The following GRWD1 variants were observed in gnomAD, a reference collection of about 807,000 sequenced individuals.
The protein encoded by GRWD1 is glutamate-rich WD repeat-containing protein 1.
Under a neutral mutation model 45.3 loss-of-function variants are expected in GRWD1, and 29 were observed. That is an observed-to-expected ratio of 0.64 (90% CI 0.48 to 0.87). The LOEUF (loss-of-function observed/expected upper bound fraction) is 0.87. Among genes scored for constraint, GRWD1 ranks in the 40% least tolerant of loss-of-function variants. The probability of loss-of-function intolerance (pLI) is 0.00; values close to 1 mark genes in which losing one functional copy is unlikely to be tolerated. For missense variants in GRWD1, 592 were observed against 618.8 expected (o/e 0.96, Z 0.46); for synonymous variants, 262 against 257.6 (o/e 1.02, Z -0.16).
Position 48,446,750 on chromosome 19 carries a change from A to C in GRWD1, c.375A>C (p.Glu125Asp), listed in dbSNP as rs1569077519. The stretch of plus-strand genomic sequence containing the variant: ...CACCCTCAGAGGGCAGTGATGAAGA[A>C]GAAGAGGAGGAAGATGAAGAGGATG... ...KPPPSEGSDE[E>D]EEEEDEEDEE... is the part of the protein sequence containing the mutation. Residue 125 changes from glutamate to aspartate, a missense_variant, in exon 3 of 7, where the codon GAA (glutamate) becomes GAC (aspartate). Glu to Asp is a conservative substitution (Grantham distance 45, BLOSUM62 2). Coordinates refer to ENST00000253237, the MANE Select transcript of GRWD1 (RefSeq NM_031485.4). The C allele has an allele frequency of 6.2e-7, 1 of 1,613,998 alleles. No homozygotes were observed. Among genetic ancestry groups the C allele is most frequent in the South Asian group, 1.1e-5 (1 of 91,074 alleles).
chr19:48,449,844 C>CA (rs1971450893), intron 3 of GRWD1, among the ~76,000 whole-genome samples: 1 of 152,058 alleles, frequency 6.6e-6, no homozygotes, highest in African/African-American at 2.4e-5. Flanking sequence ...TTTGAACGGT[C>CA]AATGCAGTAA....
At position 48,450,424 on chromosome 19, in the gene GRWD1, G is replaced by A. The variant is rs769181197; in HGVS notation, c.580G>A (p.Ala194Thr). ...GGTGGTGGAGGAGCCCCAGGCCCTGGCAGCCTTCCTCCGGGATGAGCAGGC... is the reference window on the plus strand; with the variant it reads ...GGTGGTGGAGGAGCCCCAGGCCCTGACAGCCTTCCTCCGGGATGAGCAGGC... ...LQVVEEPQALAAFLRDEQAQM... is the reference protein window; with the variant it reads ...LQVVEEPQALTAFLRDEQAQM... The change falls in exon 4 of 7, where the codon GCA becomes ACA. Residue 194 changes from alanine (A) to threonine (T), a missense_variant. By Grantham distance (58) the Ala-to-Thr change is moderately conservative. Coordinates refer to ENST00000253237, the MANE Select transcript of GRWD1 (RefSeq NM_031485.4). This position sits in a 1 kb window ranked among gnomAD's most constrained non-coding sequence, Gnocchi z 5.1. 2 of 1,614,072 alleles carry A rather than the reference G, an allele frequency of 1.2e-6. No homozygotes were observed. The highest frequency in any genetic ancestry group is 2.2e-5 in the South Asian group (2 of 91,076).
chr19:48,450,926 C>A lies in GRWD1; in HGVS notation c.826-108C>A. 1 of 1,501,574 alleles carries A rather than the reference C, an allele frequency of 6.7e-7. No homozygotes were observed. The highest frequency in any genetic ancestry group is 9.1e-7 in the Non-Finnish European group (1 of 1,102,398). 93.0% of individuals were successfully genotyped at this position (1,501,574 alleles called of 1,614,324 possible). A position where few individuals can be genotyped will look rare whatever the true frequency, so the allele number is the denominator to read the frequency against. ...CCTGACGGAGGTTTAGTTTCCAGGC[C>A]AAGTCATAGTAAGGGGAACAGTGAA... On this transcript the variant is annotated intron_variant, in intron 5 of 6. Coordinates refer to ENST00000253237, the MANE Select transcript of GRWD1 (RefSeq NM_031485.4). This position sits in a 1 kb window ranked among gnomAD's most constrained non-coding sequence, Gnocchi z 5.1.
Position 48,456,629 on chromosome 19 carries a change from G to T in GRWD1, c.*3604G>T, listed in dbSNP as rs1971542100. The T allele has an allele frequency of 6.6e-6, 1 of 152,184 alleles. No homozygotes were observed. The highest frequency in any genetic ancestry group is 2.1e-4 in the South Asian group (1 of 4,826). The allele number at this position is 152,184 out of a possible 1,614,324, so 9.4% of individuals were successfully genotyped here. ...CAGGCCCTGCCAAGAAGCCCCTGAG[G>T]ATCCCCAGGTTCCAGCACAAATTAT... On this transcript the variant is annotated 3_prime_UTR_variant, in exon 7 of 7. Transcript: ENST00000253237.
rs971549200 is a variant in GRWD1 at position 48,455,004 on chromosome 19, C to T, written c.*1979C>T. 6.6e-6 allele frequency: 1 copy of T among 151,476 alleles called. No individual in the cohort carries two copies. The highest frequency in any genetic ancestry group is 1.5e-5 in the Non-Finnish European group (1 of 67,988). 9.4% of individuals were successfully genotyped at this position (151,476 alleles called of 1,614,324 possible). A position where few individuals can be genotyped will look rare whatever the true frequency, so the allele number is the denominator to read the frequency against. On this transcript the variant is annotated 3_prime_UTR_variant, in exon 7 of 7. Transcript: ENST00000253237. ...CCGCCTCTATCTTCTCTGTCCCCCTCCATCTAGGTCTCTGTCCCCCCCTCT... is the reference window on the plus strand; with the variant it reads ...CCGCCTCTATCTTCTCTGTCCCCCTTCATCTAGGTCTCTGTCCCCCCCTCT...
rs1971469823 is a variant in GRWD1, at chr19:48,451,044, C to T, written c.836C>T (p.Ser279Phe). Residue 279 changes from serine to phenylalanine, a missense_variant, in exon 6 of 7, where the codon TCC (serine) becomes TTC (phenylalanine). Transcript: ENST00000253237. ...CTCCGCCTCCCCCAGGTGTTTGCCT[C>T]CTGCTCAGCTGACGCCTCCATCCGC... ...WSPTENTVFA[S>F]CSADASIRIW... 4 of 1,613,378 alleles carry T rather than the reference C, an allele frequency of 2.5e-6. No individual in the cohort carries two copies. The highest frequency in any genetic ancestry group is 1.1e-5 in the South Asian group (1 of 91,054).
rs1971396730 is a variant in GRWD1, at chr19:48,446,058, A to C, written c.53A>C (p.Glu18Ala). The change falls in exon 1 of 7, where the codon GAA (glutamate) becomes GCA (alanine). Residue 18 changes from glutamate (E) to alanine (A), a missense_variant. By Grantham distance (107) the Glu-to-Ala change is moderately radical. Coordinates refer to ENST00000253237, the MANE Select transcript of GRWD1 (RefSeq NM_031485.4). ...ACGTGTGAAACCGGGGAACCCATGG[A>C]AGCCGAGTCCGGCGACACAAGTTCC... ...RRTCETGEPM[E>A]AESGDTSSEG... 6.3e-7 allele frequency: 1 copy of C among 1,597,726 alleles called. No homozygotes were observed. The highest frequency in any genetic ancestry group is 1.3e-5 in the African/African-American group (1 of 74,736).
In GRWD1 at chr19:48,452,832, T is replaced by C; in HGVS notation, c.1148T>C (p.Leu383Pro). Residue 383 changes from leucine to proline, a missense_variant, in exon 7 of 7, where the codon CTG (leucine) becomes CCG (proline). Leu to Pro is a moderately conservative substitution (Grantham distance 98). Transcript: ENST00000253237. This position sits in a 1 kb window ranked among gnomAD's most constrained non-coding sequence, Gnocchi z 5.1. ...GADHQITQWD[L>P]AVERDPEAGD... is the part of the protein sequence containing the mutation. ...GACCACCAGATCACACAGTGGGACC[T>C]GGCAGTGGAGCGGGACCCTGAGGCG... 6.2e-7 allele frequency: 1 copy of C among 1,613,686 alleles called. No homozygotes were observed. The highest frequency in any genetic ancestry group is 2.2e-5 in the East Asian group (1 of 44,852).
At position 48,450,213 on chromosome 19, in the gene GRWD1, C is replaced by G; in HGVS notation, c.469-100C>G. ...CCCAGGCCTGGGAGATCTGAGGAAG[C>G]GCACTTCTGGTTCTCTGGGATATGG... On this transcript the variant is annotated intron_variant, in intron 3 of 6. Transcript: ENST00000253237. This position sits in a 1 kb window ranked among gnomAD's most constrained non-coding sequence, Gnocchi z 5.1. 3 of 899,436 alleles carry G rather than the reference C, an allele frequency of 3.3e-6. No homozygotes were observed. Among genetic ancestry groups the G allele is most frequent in the Non-Finnish European group, 5.3e-6 (3 of 570,472 alleles). 55.7% of individuals were successfully genotyped at this position (899,436 alleles called of 1,614,324 possible).
chr19:48,446,790 C>A lies in GRWD1; in HGVS notation c.415C>A (p.Pro139Thr), dbSNP rs1188863566. 1 of 1,614,118 alleles carries A rather than the reference C, an allele frequency of 6.2e-7. No homozygotes were observed. Among genetic ancestry groups the A allele is most frequent in the Admixed American group, 1.7e-5 (1 of 60,020 alleles). ...TGAAGAGGATGAAGAAGAGCGGAAACCTCAGCTGGAGCTGGCCATGGTGCC... is the reference window on the plus strand; with the variant it reads ...TGAAGAGGATGAAGAAGAGCGGAAAACTCAGCTGGAGCTGGCCATGGTGCC... ...EDEEDEEERKPQLELAMVPHY... is the reference protein window; with the variant it reads ...EDEEDEEERKTQLELAMVPHY... Residue 139 changes from proline to threonine, a missense_variant, in exon 3 of 7, where the codon CCT (proline) becomes ACT (threonine). Pro to Thr is a conservative substitution (Grantham distance 38). Coordinates refer to ENST00000253237, the MANE Select transcript of GRWD1 (RefSeq NM_031485.4).
Position 48,450,837 on chromosome 19 carries a change from A to G in GRWD1, c.825+29A>G, listed in dbSNP as rs765393103. ...AGGGAGGGTGGGGTTCTGGTCGTTT[A>G]GTTCTGATGGATTCTAGGCCAGGGA... On this transcript the variant is annotated intron_variant, in intron 5 of 6. Transcript: ENST00000253237. The surrounding 1 kb of genome is among the most constrained non-coding windows in gnomAD (Gnocchi z 5.1). The G allele has an allele frequency of 3.8e-6, 6 of 1,599,410 alleles. No homozygotes were observed. Among genetic ancestry groups the G allele is most frequent in the South Asian group, 3.3e-5 (3 of 90,036 alleles).
chr19:48,446,893 C>T, intron 3 of GRWD1, 50 bp downstream of exon 3: 1 of 1,514,094 alleles, frequency 6.6e-7, no homozygotes, highest in Admixed American at 2.0e-5. Flanking sequence ...ACACATCTGA[C>T]CCATCCCCTG....
chr19:48,451,276 C>T (rs753303134), intron 6 of GRWD1, 45 bp downstream of exon 6: 12 of 1,487,950 alleles, frequency 8.1e-6, no homozygotes, highest in Non-Finnish European at 1.1e-5. Flanking sequence ...AGCTTGCTCC[C>T]AGCAGCCCCT....
At position 48,452,769 on chromosome 19, in the gene GRWD1, A is replaced by AC; in HGVS notation, c.1090dup (p.Gln364ProfsTer27). The AC allele has an allele frequency of 2.5e-6, 4 of 1,604,242 alleles. No homozygotes were observed. In the South Asian group the frequency reaches 3.3e-5, roughly 13 times the overall value. Reference sequence around the variant, plus strand: ...GCCCCCGTGACCTCCGTCGAGTGGCACCCCCAGGACAGCGGGGTCTTTGCA... The same window carrying AC: ...GCCCCCGTGACCTCCGTCGAGTGGCACCCCCCAGGACAGCGGGGTCTTTGCA... On this transcript the variant is annotated frameshift_variant, in exon 7 of 7. Coordinates refer to ENST00000253237, the MANE Select transcript of GRWD1 (RefSeq NM_031485.4). LOFTEE classifies it high-confidence loss of function. This position sits in a 1 kb window ranked among gnomAD's most constrained non-coding sequence, Gnocchi z 5.1.
Position 48,452,650 on chromosome 19 carries a change from C to A in GRWD1, c.1024-58C>A. 1 of 1,424,376 alleles carries A rather than the reference C, an allele frequency of 7.0e-7. No homozygotes were observed. The highest frequency in any genetic ancestry group is 9.6e-7 in the Non-Finnish European group (1 of 1,044,424). The allele number at this position is 1,424,376 out of a possible 1,614,324, so 88.2% of individuals were successfully genotyped here. ...GAAGGGTTGGGGCTTCTGCCTGGGT[C>A]CTCCCCAGAGTCAGGCTGAGGCATT... On this transcript the variant is annotated intron_variant, in intron 6 of 6. Coordinates refer to ENST00000253237, the MANE Select transcript of GRWD1 (RefSeq NM_031485.4). The surrounding 1 kb of genome is among the most constrained non-coding windows in gnomAD (Gnocchi z 5.1).
rs973980013 is a variant in GRWD1 at position 48,446,716 on chromosome 19, C to T, written c.341C>T (p.Thr114Ile). ...CTTCGGATGCACAATCTGCATGGGA[C>T]AAAGCCCCCACCCTCAGAGGGCAGT... The part of the protein sequence containing the change: ...MMLRMHNLHG[T>I]KPPPSEGSDE... The change falls in exon 3 of 7, where the codon ACA becomes ATA. Residue 114 changes from threonine (T) to isoleucine (I), a missense_variant. Coordinates refer to ENST00000253237, the MANE Select transcript of GRWD1 (RefSeq NM_031485.4). 2.5e-6 allele frequency: 4 copies of T among 1,609,942 alleles called. No individual in the cohort carries two copies. Among genetic ancestry groups the T allele is most frequent in the Middle Eastern group, 1.7e-4 (1 of 6,058 alleles).
In GRWD1 at chr19:48,452,186, C is replaced by T. The variant is rs1031466260; in HGVS notation, c.1024-522C>T. ...GCAATCTCGGCTCACTGCAACCTCCCGCTCCTGGGTTCAAGCGATTCTCCT... is the reference window on the plus strand; with the variant it reads ...GCAATCTCGGCTCACTGCAACCTCCTGCTCCTGGGTTCAAGCGATTCTCCT... On this transcript the variant is annotated intron_variant, in intron 6 of 6. Transcript: ENST00000253237. This position sits in a 1 kb window ranked among gnomAD's most constrained non-coding sequence, Gnocchi z 5.1. Among the ~76,000 whole-genome samples, 5 of 151,446 alleles carry T rather than the reference C, an allele frequency of 3.3e-5. No homozygotes were observed. The highest frequency in any genetic ancestry group is 1.9e-4 in the East Asian group (1 of 5,146).
At chr19:48,449,612 C>G (rs1971448646) in intron 3 of GRWD1, among the ~76,000 whole-genome samples, 1 of 152,170 alleles carries the variant, frequency 6.6e-6, no homozygotes, top group Non-Finnish European at 1.5e-5. Flanking sequence ...CGCTTGAGAC[C>G]AGGAGTTCCA....
rs185278696 is a variant in GRWD1, at chr19:48,449,519, G to T, written c.469-794G>T. On this transcript the variant is annotated intron_variant, in intron 3 of 6. Transcript: ENST00000253237. ...GGTGGCAATTAGGAGCTTGGCTTTG[G>T]TTGTATCAAGTTTGAATGGTCAGGC... Among the ~76,000 whole-genome samples the T allele has an allele frequency of 3.1e-3, 471 of 152,310 alleles. 2 individuals carry two copies. Among genetic ancestry groups the T allele is most frequent in the Non-Finnish European group, 4.7e-3 (322 of 68,034 alleles).
Sources: gnomAD v4.1 joint callset for allele counts (sites outside exome capture counted in the v4.1 genomes callset) on GRCh38, gnomAD v4.1.1 for gene constraint, Gnocchi (gnomAD v3.1) non-coding constraint, MANE v1.5 for transcripts, NCBI Gene and HGNC (gene_info 2026-07-23, HGNC 2026-07-21) for gene names.